Variants in ENOX1 observed in about 807,000 individuals in gnomAD.
ENOX1 encodes candidate growth-related and time keeping constitutive hydroquinone (NADH) oxidase.
In ENOX1, 42 loss-of-function variants were observed where a neutral mutation model predicts 82.5. The ratio of observed to expected loss-of-function variants is 0.51; its 90% confidence interval spans 0.40 to 0.66. ENOX1 has a LOEUF of 0.66. Ranked by LOEUF, ENOX1 falls within the 30% of genes least tolerant of loss-of-function variation. The probability of loss-of-function intolerance (pLI) is 0.00; values close to 1 mark genes in which losing one functional copy is unlikely to be tolerated. For synonymous variants in ENOX1, 271 were observed against 282.2 expected, an observed-to-expected ratio of 0.96 and a Z score of 0.40; for missense variants, 608 against 811.6, an observed-to-expected ratio of 0.75 and a Z score of 3.05.
chr13:43,568,692 T>TG (rs979005680), intron 2 of ENOX1, among the ~76,000 whole-genome samples: 11 of 151,390 alleles, frequency 7.3e-5, no homozygotes, highest in African/African-American at 2.7e-4. Flanking sequence ...TCCAGAGTTT[T>TG]TTTTTTTTTC....
intron 2 of ENOX1, among the ~76,000 whole-genome samples, chr13:43,494,272 T>C (rs919824447): frequency 5.9e-5 from 9 of 152,176 alleles, no homozygotes; most frequent in African/African-American, 2.2e-4. Context: ...GTGAGACTAA[T>C]ATGACAGCCC....
chr13:43,663,766 G>A (rs147674008), intron 2 of ENOX1, among the ~76,000 whole-genome samples: 171 of 152,152 alleles, frequency 1.1e-3, no homozygotes, highest in African/African-American at 3.9e-3. Flanking sequence ...AAGGATAATC[G>A]TAGATTTAAA....
intron 5 of ENOX1, among the ~76,000 whole-genome samples, chr13:43,383,440 T>G (rs932740): frequency 0.94 from 142,866 of 152,130 alleles, 67,737 homozygotes; most frequent in South Asian, 1. Flanking sequence ...AACATCATTC[T>G]GGGTGCTAAA....
intron 1 of ENOX1, among the ~76,000 whole-genome samples, chr13:43,676,378 G>C (rs757310471): frequency 6.6e-6 from 1 of 152,108 alleles, no homozygotes; most frequent in Admixed American, 6.5e-5. Context: ...TGGACACTTT[G>C]TTTAGTCTGT....
At chr13:43,227,667 T>C (rs897157041) in intron 15 of ENOX1, among the ~76,000 whole-genome samples, 3 of 152,186 alleles carry the variant, frequency 2.0e-5, no homozygotes, top group Non-Finnish European at 2.9e-5. Context: ...GAAAATCAGA[T>C]TCTAAAATCA....
intron 3 of ENOX1, among the ~76,000 whole-genome samples, chr13:43,454,842 T>TTA (rs1491415092): frequency 1.4e-4 from 6 of 41,866 alleles, no homozygotes; most frequent in Non-Finnish European, 1.9e-4. Flanking sequence ...ATTGAAACCA[T>TTA]TTTTTTTTTT....
Position 43,658,291 on chromosome 13 carries a change from A to C in ENOX1, c.-219+9188T>G, listed in dbSNP as rs550730395. On this transcript the variant is annotated intron_variant, in intron 2 of 16. Transcript: ENST00000690772. ...CTATGCTTGTCATACTAAAGACAAA[A>C]ATTTATATGCACTGATTTAAATAAC... Among the ~76,000 whole-genome samples, 133 of 152,232 alleles carry C rather than the reference A, an allele frequency of 8.7e-4. 1 individual carries two copies. In the Middle Eastern group the frequency reaches 0.01, roughly 12 times the overall value.
At chr13:43,307,446 A>G (rs934579319) in intron 11 of ENOX1, among the ~76,000 whole-genome samples, 1 of 152,188 alleles carries the variant, frequency 6.6e-6, no homozygotes, top group African/African-American at 2.4e-5. Flanking sequence ...ATGCATGCCA[A>G]CATTTTAGAG....
chr13:43,625,338 C>T (rs1335946225), intron 2 of ENOX1, among the ~76,000 whole-genome samples: 1 of 151,880 alleles, frequency 6.6e-6, no homozygotes, highest in Non-Finnish European at 1.5e-5. Context: ...CAGTCTATTG[C>T]TTTTTGCTCC....
At chr13:43,703,365 T>C (rs189186179) in intron 1 of ENOX1, among the ~76,000 whole-genome samples, 2 of 152,306 alleles carry the variant, frequency 1.3e-5, no homozygotes, top group African/African-American at 4.8e-5. Context: ...CCCTTATCCC[T>C]TTCACTGTCT....
chr13:43,520,141 A>G lies in ENOX1; in HGVS notation c.-218-35989T>C, dbSNP rs1356642298. On this transcript the variant is annotated intron_variant, in intron 2 of 16. Coordinates refer to ENST00000690772, the MANE Select transcript of ENOX1 (RefSeq NM_001347969.2). ...ATCAAATAAGTGAATAAATAAGTGC[A>G]CTCTAGTTTAGAAATGTAACAGCAC... Among the ~76,000 whole-genome samples, 4 of 152,196 alleles carry G rather than the reference A, an allele frequency of 2.6e-5. No homozygotes were observed. In the East Asian group the frequency reaches 7.7e-4, roughly 29 times the overall value.
chr13:43,381,289 C>T (rs2052023208), intron 5 of ENOX1, among the ~76,000 whole-genome samples: 1 of 151,388 alleles, frequency 6.6e-6, no homozygotes, highest in South Asian at 2.1e-4. Context: ...AAATAAATAA[C>T]ACATTTCTGA....
At chr13:43,371,347 T>G (rs1262505007) in intron 5 of ENOX1, among the ~76,000 whole-genome samples, 3 of 152,242 alleles carry the variant, frequency 2.0e-5, no homozygotes, top group Non-Finnish European at 4.4e-5. Flanking sequence ...TCCAAATATA[T>G]GTTGAAAGAC....
intron 2 of ENOX1, among the ~76,000 whole-genome samples, chr13:43,654,249 A>G (rs967179155): frequency 2.6e-5 from 4 of 152,178 alleles, no homozygotes; most frequent in Non-Finnish European, 4.4e-5. Context: ...AGACTGTAAC[A>G]TAGACATCCT....
chr13:43,448,923 C>T (rs558815654), intron 3 of ENOX1, among the ~76,000 whole-genome samples: 27 of 152,276 alleles, frequency 1.8e-4, no homozygotes, highest in African/African-American at 6.0e-4. Context: ...AGGGCTGAAT[C>T]GAGAAATCCG....
chr13:43,508,506 C>A (rs2153673041), intron 2 of ENOX1, among the ~76,000 whole-genome samples: 1 of 152,024 alleles, frequency 6.6e-6, no homozygotes, highest in Non-Finnish European at 1.5e-5. Context: ...AAAAAGGAAT[C>A]ATTTGGTACT....
In ENOX1 at chr13:43,589,216, G is replaced by GAAAAAAAAAAAA. The variant is rs58912569; in HGVS notation, c.-219+78251_-219+78262dup. On this transcript the variant is annotated intron_variant, in intron 2 of 16. Coordinates refer to ENST00000690772, the MANE Select transcript of ENOX1 (RefSeq NM_001347969.2). ...GAACCCAGAGCTTTGGACATTAATG[G>GAAAAAAAAAAAA]AAAAAAAAAAAAAAAAAAAAAAAGC... 7.5e-5 allele frequency among the ~76,000 whole-genome samples: 6 copies of GAAAAAAAAAAAA among 79,764 alleles called. 1 individual carries two copies. The highest frequency in any genetic ancestry group is 1.6e-4 in the African/African-American group (3 of 18,934). The allele number at this position is 79,764 out of a possible 152,430, so 52.3% of individuals were successfully genotyped here.
In ENOX1 at chr13:43,752,002, G is replaced by C. The variant is rs149829467; in HGVS notation, c.-285+34650C>G. Among the ~76,000 whole-genome samples, 257 of 152,262 alleles carry C rather than the reference G, an allele frequency of 1.7e-3. 1 individual carries two copies. Among genetic ancestry groups the C allele is most frequent in the East Asian group, 0.014 (73 of 5,184 alleles). On this transcript the variant is annotated intron_variant, in intron 1 of 16. Transcript: ENST00000690772. Reference sequence around the variant, plus strand: ...GCCATTTTACATTCCCACTAACAGTGTGTGAAAATTCCATTTCCTCCATAT... The same window carrying C: ...GCCATTTTACATTCCCACTAACAGTCTGTGAAAATTCCATTTCCTCCATAT...
intron 3 of ENOX1, among the ~76,000 whole-genome samples, chr13:43,432,284 T>C (rs2055718814): frequency 6.6e-6 from 1 of 152,178 alleles, no homozygotes; most frequent in Admixed American, 6.5e-5. Flanking sequence ...TAAAATTCAC[T>C]GTATTTTCAA....
Sources: allele counts gnomAD v4.1 joint callset (sites outside exome capture counted in the v4.1 genomes callset), GRCh38; gene constraint gnomAD v4.1.1; transcripts MANE v1.5; gene names NCBI Gene and HGNC (gene_info 2026-07-23, HGNC 2026-07-21).